Variants in RIMS2 observed in about 807,000 individuals in gnomAD.
RIMS2 encodes regulating synaptic membrane exocytosis protein 2.
In RIMS2, 59 loss-of-function variants were observed where a neutral mutation model predicts 174.4. The observed-to-expected ratio is 0.34, with a 90% CI of 0.27 to 0.42. The LOEUF (loss-of-function observed/expected upper bound fraction) is 0.42, where lower values mean the gene tolerates loss of function less well. Among genes scored for constraint, RIMS2 ranks in the 10% least tolerant of loss-of-function variants. The probability of loss-of-function intolerance (pLI) is 1.00; values close to 1 mark genes in which losing one functional copy is unlikely to be tolerated. For synonymous variants in RIMS2, 606 were observed against 572.5 expected, an observed-to-expected ratio of 1.06 and a Z score of -0.84; for missense variants, 1,620 against 1,666.3, an observed-to-expected ratio of 0.97 and a Z score of 0.48.
At position 103,704,393 on chromosome 8, in the gene RIMS2, C is replaced by T. The variant is rs188952042; in HGVS notation, c.387+7097C>T. ...TTTTGAAGATTTTTGCATCTATGTT[C>T]GTTCATCAGAGATAATGGCCTCTAG... On this transcript the variant is annotated intron_variant, in intron 2 of 23. Transcript: ENST00000504942. Among the ~76,000 whole-genome samples, 237 of 151,814 alleles carry T rather than the reference C, an allele frequency of 1.6e-3. 2 individuals are homozygous for T. The highest frequency in any genetic ancestry group is 5.1e-3 in the African/African-American group (213 of 41,456).
At chr8:103,736,567 T>A (rs1332743021) in intron 2 of RIMS2, among the ~76,000 whole-genome samples, 1 of 152,186 alleles carries the variant, frequency 6.6e-6, no homozygotes, top group Non-Finnish European at 1.5e-5. Flanking sequence ...TTGGACTAAT[T>A]TTGGTCTATT....
intron 3 of RIMS2, among the ~76,000 whole-genome samples, chr8:103,800,359 A>G (rs1260678613): frequency 6.6e-6 from 1 of 152,036 alleles, no homozygotes; most frequent in Admixed American, 6.6e-5. Context: ...TAGTGCCTCC[A>G]CTAAAATGTT....
chr8:103,620,798 T>C (rs1323372946), intron 1 of RIMS2, among the ~76,000 whole-genome samples: 1 of 152,200 alleles, frequency 6.6e-6, no homozygotes, highest in African/African-American at 2.4e-5. Context: ...ATATAGTGGT[T>C]ACTCAGTAAA....
intron 19 of RIMS2, among the ~76,000 whole-genome samples, chr8:104,075,297 C>T (rs1054829584): frequency 2.0e-5 from 3 of 152,178 alleles, no homozygotes; most frequent in Non-Finnish European, 2.9e-5. Context: ...ATCTTGTGAA[C>T]GCAGTCTCAG....
At chr8:103,885,750 C>T (rs1203025729) in exon 4 of RIMS2, 1 of 1,612,786 alleles carries the variant, frequency 6.2e-7, no homozygotes, top group African/African-American at 1.3e-5. Flanking sequence ...TCCAGGATTT[C>T]TATGCTAAGG....
intron 3 of RIMS2, among the ~76,000 whole-genome samples, chr8:103,865,284 C>CTTTTTTTTTT (rs67300843): frequency 6.7e-5 from 8 of 119,730 alleles, no homozygotes; most frequent in Admixed American, 2.8e-4. Context: ...CAGTTTTTTT[C>CTTTTTTTTTT]TTTTTTTTTT....
intron 3 of RIMS2, among the ~76,000 whole-genome samples, chr8:103,848,016 C>A (rs73293826): frequency 0.049 from 7,363 of 151,454 alleles, 266 homozygotes; most frequent in African/African-American, 0.11. Flanking sequence ...ATCCACATAC[C>A]CTCAGCCCAC....
intron 1 of RIMS2, among the ~76,000 whole-genome samples, chr8:103,591,213 G>T (rs1360027042): frequency 6.6e-6 from 1 of 150,466 alleles, no homozygotes; most frequent in Non-Finnish European, 1.5e-5. Context: ...ATTCCTTCAT[G>T]GACTGTCTGT....
chr8:103,684,466 A>G (rs1278494449), intron 1 of RIMS2, among the ~76,000 whole-genome samples: 3 of 152,148 alleles, frequency 2.0e-5, no homozygotes, highest in Admixed American at 6.5e-5. Flanking sequence ...GTGCCCATAA[A>G]TAAATCTTTA....
chr8:103,801,529 C>T (rs2098607941), intron 3 of RIMS2, among the ~76,000 whole-genome samples: 1 of 152,108 alleles, frequency 6.6e-6, no homozygotes, highest in Admixed American at 6.6e-5. Flanking sequence ...TTTCATGTTC[C>T]ATACTAATCT....
intron 1 of RIMS2, among the ~76,000 whole-genome samples, chr8:103,660,271 G>A (rs2096582520): frequency 6.6e-6 from 1 of 152,212 alleles, no homozygotes; most frequent in African/African-American, 2.4e-5. Flanking sequence ...GCTGCTTGCC[G>A]TGCCCTGCAG....
At chr8:103,769,790 T>A (rs1386498159) in intron 3 of RIMS2, among the ~76,000 whole-genome samples, 2 of 152,236 alleles carry the variant, frequency 1.3e-5, no homozygotes, top group Admixed American at 1.3e-4. Context: ...CTCTTTTGCC[T>A]GGTGCTTTGG....
intron 1 of RIMS2, among the ~76,000 whole-genome samples, chr8:103,618,887 G>T (rs2095566410): frequency 6.6e-6 from 1 of 152,068 alleles, no homozygotes; most frequent in Non-Finnish European, 1.5e-5. Context: ...CTAAGCTTGA[G>T]AATTCAATTC....
intron 19 of RIMS2, among the ~76,000 whole-genome samples, chr8:104,103,570 T>G (rs369747731): frequency 6.6e-6 from 1 of 152,304 alleles, no homozygotes; most frequent in African/African-American, 2.4e-5. Flanking sequence ...CTGAGCCACC[T>G]TTCCCTAAAA....
At chr8:104,208,197 C>T (rs947942236) in intron 19 of RIMS2, among the ~76,000 whole-genome samples, 5 of 152,038 alleles carry the variant, frequency 3.3e-5, no homozygotes, top group African/African-American at 9.7e-5. Context: ...TTGAAAAATA[C>T]GTTTGGTAGG....
At chr8:103,549,139 G>A (rs1180747852) in intron 1 of RIMS2, among the ~76,000 whole-genome samples, 6 of 151,852 alleles carry the variant, frequency 4.0e-5, no homozygotes, top group South Asian at 2.1e-4. Flanking sequence ...GATACTCCTC[G>A]AGAAGAGCAA....
intron 19 of RIMS2, among the ~76,000 whole-genome samples, chr8:104,059,289 C>G (rs1436331357): frequency 2.7e-5 from 4 of 149,000 alleles, no homozygotes; most frequent in African/African-American, 9.8e-5. Flanking sequence ...CTTCACATCC[C>G]TTGTAAGTTG....
At chr8:104,170,573 A>T (rs780055768) in intron 19 of RIMS2, among the ~76,000 whole-genome samples, 1 of 152,068 alleles carries the variant, frequency 6.6e-6, no homozygotes, top group Admixed American at 6.6e-5. Context: ...GAGTTTCTTA[A>T]AGATAGCAAG....
At chr8:104,045,958 A>G (rs1376327340) in intron 19 of RIMS2, among the ~76,000 whole-genome samples, 1 of 152,016 alleles carries the variant, frequency 6.6e-6, no homozygotes, top group East Asian at 1.9e-4. Flanking sequence ...TGTTAGGGTT[A>G]GCTAAGTGAA....
Sources: allele counts gnomAD v4.1 joint callset (sites outside exome capture counted in the v4.1 genomes callset), GRCh38; gene constraint gnomAD v4.1.1; transcripts MANE v1.5; gene names NCBI Gene and HGNC (gene_info 2026-07-23, HGNC 2026-07-21).